The following ATP2C1 variants were observed in gnomAD, a reference collection of about 807,000 sequenced individuals.
The protein encoded by ATP2C1 is calcium-transporting ATPase type 2C member 1.
Under a neutral mutation model 120.5 loss-of-function variants are expected in ATP2C1, and 31 were observed. The ratio of observed to expected loss-of-function variants is 0.26; its 90% CI spans 0.19 to 0.35. ATP2C1 has a LOEUF of 0.35. Ranked by LOEUF, ATP2C1 falls within the 10% of genes least tolerant of loss-of-function variation. The probability of loss-of-function intolerance (pLI) is 1.00; values close to 1 mark genes in which losing one functional copy is unlikely to be tolerated. For missense variants in ATP2C1, 731 were observed against 1,107.5 expected (o/e 0.66, Z 4.83); for synonymous variants, 351 against 358.7 (o/e 0.98, Z 0.24).
intron 2 of ATP2C1, among the ~76,000 whole-genome samples, chr3:130,908,571 A>T (rs1489172486): frequency 1.3e-5 from 2 of 152,128 alleles, no homozygotes; most frequent in African/African-American, 4.8e-5. Context: ...GGGCAGTAGA[A>T]CTGGAAATCT....
chr3:130,956,082 C>T (rs1280420479), intron 10 of ATP2C1, 22 bp from the exon 11 acceptor site: 2 of 1,536,166 alleles, frequency 1.3e-6, no homozygotes, highest in Admixed American at 3.3e-5. Context: ...ATTGTGGTGA[C>T]ACTCTTCTTC....
chr3:130,937,410 C>G lies in ATP2C1; in HGVS notation c.325-18C>G, dbSNP rs372028799. On this transcript the variant is annotated intron_variant, in intron 5 of 27. Coordinates refer to ENST00000510168, the MANE Select transcript of ATP2C1 (RefSeq NM_001378687.1). The stretch of plus-strand genomic sequence containing the variant: ...CTCAAGTTAATGTCTGATTTAAAAG[C>G]CTGTTTCTTTTGTTTAGGCAATACT... 1.9e-6 allele frequency: 3 copies of G among 1,610,566 alleles called. No individual in the cohort carries two copies. The highest frequency in any genetic ancestry group is 2.5e-6 in the Non-Finnish European group (3 of 1,176,882).
In ATP2C1 at chr3:130,894,645, G is replaced by T; in HGVS notation, c.-125G>T. On this transcript the variant is annotated 5_prime_UTR_variant, in exon 2 of 28. Coordinates refer to ENST00000510168, the MANE Select transcript of ATP2C1 (RefSeq NM_001378687.1). The surrounding 1 kb of genome is among the most constrained non-coding windows in gnomAD (Gnocchi z 4.5). ...GTGGGACGCGTGGCCGGGAGCGGGG[G>T]TGACAGCCTGGGATTCCGGGGGCTT... 6.2e-7 allele frequency: 1 copy of T among 1,605,960 alleles called. No homozygotes were observed. Among genetic ancestry groups the T allele is most frequent in the Non-Finnish European group, 8.5e-7 (1 of 1,175,082 alleles).
intron 1 of ATP2C1, among the ~76,000 whole-genome samples, chr3:130,859,205 T>C (rs2067938556): frequency 6.6e-6 from 1 of 152,226 alleles, no homozygotes; most frequent in African/African-American, 2.4e-5. Flanking sequence ...TTTTATTTGG[T>C]TAGTGGTAAA....
chr3:131,011,345 T>C (rs926139423), intron 26 of ATP2C1, among the ~76,000 whole-genome samples: 1 of 152,252 alleles, frequency 6.6e-6, no homozygotes, highest in Non-Finnish European at 1.5e-5. Flanking sequence ...TTTTCCTGTC[T>C]CTGCAGCTTT....
chr3:130,972,818 T>C (rs1020350130), intron 17 of ATP2C1, among the ~76,000 whole-genome samples: 5 of 152,098 alleles, frequency 3.3e-5, no homozygotes, highest in Non-Finnish European at 7.4e-5. Context: ...GGCTGCATAG[T>C]ATTCCATGGT....
chr3:130,931,166 C>T (rs933665419), intron 3 of ATP2C1, among the ~76,000 whole-genome samples: 1 of 151,986 alleles, frequency 6.6e-6, no homozygotes, highest in Non-Finnish European at 1.5e-5. Context: ...TATTTATACT[C>T]TGCTTTAAAA....
At chr3:130,889,174 G>A (rs993289477), upstream of ATP2C1, among the ~76,000 whole-genome samples, 1 of 152,094 alleles carries the variant, frequency 6.6e-6, no homozygotes, top group Non-Finnish European at 1.5e-5. Flanking sequence ...ATTTAGACAC[G>A]CCAATTAACC....
At chr3:130,930,280 C>T in intron 2 of ATP2C1, 136 bp from the exon 3 acceptor site, 2 of 699,234 alleles carry the variant, frequency 2.9e-6, no homozygotes, top group East Asian at 5.5e-5. Context: ...CCTATTAGGA[C>T]TAGCTACGTA....
At chr3:130,937,582 T>G (rs1398680485) in intron 6 of ATP2C1, 119 bp downstream of exon 6, 3 of 844,118 alleles carry the variant, frequency 3.6e-6, no homozygotes, top group Non-Finnish European at 6.0e-6. Flanking sequence ...CAACTTATTC[T>G]TTGTTTTTCA....
rs531000035 is a variant in ATP2C1, at chr3:130,991,512, T to C, written c.1840-1439T>C. On this transcript the variant is annotated intron_variant, in intron 20 of 27. Coordinates refer to ENST00000510168, the MANE Select transcript of ATP2C1 (RefSeq NM_001378687.1). ...AAATTTTTTCCTTGCTGCTGCACTT[T>C]ACCATCAGTATACAAACATGTTTCC... Among the ~76,000 whole-genome samples, 6 of 152,064 alleles carry C rather than the reference T, an allele frequency of 3.9e-5. No homozygotes were observed. In the South Asian group the frequency reaches 1.2e-3, roughly 32 times the overall value.
chr3:130,869,605 T>C (rs1292658354), intron 1 of ATP2C1, among the ~76,000 whole-genome samples: 1 of 152,116 alleles, frequency 6.6e-6, no homozygotes, highest in African/African-American at 2.4e-5. Flanking sequence ...ACACAAATGA[T>C]AAGAAAGCTA....
chr3:130,988,402 A>G (rs2108843763), intron 20 of ATP2C1, among the ~76,000 whole-genome samples: 1 of 152,310 alleles, frequency 6.6e-6, no homozygotes, highest in South Asian at 2.1e-4. Context: ...GCTTCTGAAA[A>G]TATGTGGCCT....
chr3:130,997,022 G>A (rs2062656863), intron 24 of ATP2C1, among the ~76,000 whole-genome samples: 1 of 152,068 alleles, frequency 6.6e-6, no homozygotes, highest in South Asian at 2.1e-4. Flanking sequence ...CTAAGGTTGA[G>A]AATAGATCAG....
upstream of ATP2C1, among the ~76,000 whole-genome samples, chr3:130,889,804 C>T (rs766920486): frequency 6.6e-5 from 10 of 151,914 alleles, no homozygotes; most frequent in Non-Finnish European, 1.2e-4. Context: ...TGCCACTGCA[C>T]CCAGCTAATG....
At position 130,970,406 on chromosome 3, in the gene ATP2C1, A is replaced by ACACACACC. The variant is rs765779646; in HGVS notation, c.1413+1011_1413+1012insACACACCC. 2.9e-3 allele frequency among the ~76,000 whole-genome samples: 432 copies of ACACACACC among 147,968 alleles called. 1 individual carries two copies. The highest frequency in any genetic ancestry group is 9.3e-3 in the African/African-American group (365 of 39,278). On this transcript the variant is annotated intron_variant, in intron 17 of 27. Transcript: ENST00000510168. ...CACACACACACACACACACACACAC[A>ACACACACC]CCCTTAAACTTTCCTTCACTCTTTT...
intron 2 of ATP2C1, among the ~76,000 whole-genome samples, chr3:130,902,795 T>A (rs370467184): frequency 1.3e-5 from 2 of 152,034 alleles, no homozygotes; most frequent in African/African-American, 4.8e-5. Flanking sequence ...CGGGTGTCTT[T>A]TTACTTTATT....
At chr3:130,867,093 A>G (rs2068203085) in intron 1 of ATP2C1, among the ~76,000 whole-genome samples, 1 of 152,196 alleles carries the variant, frequency 6.6e-6, no homozygotes, top group African/African-American at 2.4e-5. Context: ...CGCATTAGAC[A>G]GAAAACTTAA....
intron 18 of ATP2C1, 113 bp from the exon 19 acceptor site, chr3:130,979,136 T>C: frequency 1.0e-6 from 1 of 986,598 alleles, no homozygotes; most frequent in Non-Finnish European, 1.6e-6. Context: ...GACATTATAG[T>C]CTTAAGTGAT....
Sources: allele counts gnomAD v4.1 joint callset (sites outside exome capture counted in the v4.1 genomes callset), GRCh38; gene constraint gnomAD v4.1.1; non-coding constraint Gnocchi (gnomAD v3.1); transcripts MANE v1.5; gene names NCBI Gene and HGNC (gene_info 2026-07-23, HGNC 2026-07-21).